The following EYS variants were observed in gnomAD, a reference collection of about 807,000 sequenced individuals.
The protein encoded by EYS is protein eyes shut homolog.
A neutral mutation model predicts 282.1 loss-of-function variants in EYS; 250 were observed. The observed-to-expected ratio is 0.89, with a 90% CI of 0.80 to 0.98. The LOEUF is 0.98. Ranked by LOEUF, EYS falls within the 50% of genes least tolerant of loss-of-function variation. The pLI, the probability that EYS is intolerant of heterozygous loss-of-function variation, is 0.00. For synonymous variants in EYS, 1,355 were observed against 1,282.9 expected (o/e 1.06, Z -1.20); for missense variants, 4,016 against 3,709.0 (o/e 1.08, Z -2.15).
intron 23 of EYS, among the ~76,000 whole-genome samples, chr6:64,622,057 A>AT (rs1767462252): frequency 1.3e-5 from 2 of 152,272 alleles, no homozygotes; most frequent in South Asian, 4.2e-4. Flanking sequence ...TCAAAAACCC[A>AT]TTTAATTCCC....
chr6:65,640,895 T>TA (rs1207020852), intron 1 of EYS, among the ~76,000 whole-genome samples: 1 of 152,170 alleles, frequency 6.6e-6, no homozygotes, highest in Non-Finnish European at 1.5e-5. Context: ...ATTTTTTTTT[T>TA]ACCCTTGGCC....
chr6:64,864,099 G>A (rs1766336235), intron 19 of EYS, among the ~76,000 whole-genome samples: 1 of 151,854 alleles, frequency 6.6e-6, no homozygotes, highest in South Asian at 2.1e-4. Flanking sequence ...TTTTATCCAG[G>A]TTTTATTTGT....
chr6:63,891,420 G>A (rs1773405030), intron 35 of EYS, among the ~76,000 whole-genome samples: 1 of 152,114 alleles, frequency 6.6e-6, no homozygotes, highest in African/African-American at 2.4e-5. Flanking sequence ...TGGGAGGCAA[G>A]GCTGGTTCAA....
At chr6:64,753,670 A>G (rs1369987372) in intron 22 of EYS, among the ~76,000 whole-genome samples, 1 of 151,892 alleles carries the variant, frequency 6.6e-6, no homozygotes, top group Admixed American at 6.6e-5. Context: ...CTACTGAAGT[A>G]CTTCAGCACC....
chr6:65,543,806 C>G (rs1768272726), intron 2 of EYS, among the ~76,000 whole-genome samples: 1 of 152,130 alleles, frequency 6.6e-6, no homozygotes, highest in South Asian at 2.1e-4. Flanking sequence ...TAACAGATGA[C>G]TTTGAGTGGA....
In EYS at chr6:64,238,291, G is replaced by A. The variant is rs7746785; in HGVS notation, c.6192-7467C>T. Among the ~76,000 whole-genome samples, 1,388 of 152,218 alleles carry A rather than the reference G, an allele frequency of 9.1e-3. 18 individuals carry two copies. Among genetic ancestry groups the A allele is most frequent in the African/African-American group, 0.031 (1,298 of 41,536 alleles). On this transcript the variant is annotated intron_variant, in intron 30 of 42. Coordinates refer to ENST00000503581, the MANE Select transcript of EYS (RefSeq NM_001142800.2). The stretch of plus-strand genomic sequence containing the variant: ...CTGGCACCTCAGGGCATTGCAGACC[G>A]CTGTTTCACAGTATGAAGGGTGGAT...
At chr6:63,964,091 T>C (rs1462240100) in intron 35 of EYS, among the ~76,000 whole-genome samples, 2 of 152,238 alleles carry the variant, frequency 1.3e-5, no homozygotes, top group Non-Finnish European at 2.9e-5. Flanking sequence ...AACAGTTTTT[T>C]TTTCCAGTGG....
intron 19 of EYS, among the ~76,000 whole-genome samples, chr6:64,823,613 G>C (rs972294699): frequency 6.6e-6 from 1 of 151,916 alleles, no homozygotes; most frequent in African/African-American, 2.4e-5. Flanking sequence ...AGCACTTATA[G>C]GTGTGCCCTG....
chr6:65,450,261 C>T (rs1197306457), intron 5 of EYS, among the ~76,000 whole-genome samples: 2 of 152,060 alleles, frequency 1.3e-5, no homozygotes, highest in African/African-American at 4.8e-5. Context: ...GATTCTGCCA[C>T]GTCTGTTCCA....
At chr6:64,292,548 T>G (rs1049858525) in intron 30 of EYS, among the ~76,000 whole-genome samples, 1 of 152,108 alleles carries the variant, frequency 6.6e-6, no homozygotes, top group African/African-American at 2.4e-5. Flanking sequence ...AGAGCAGATC[T>G]TTAAGATTTG....
chr6:65,343,363 CA>C (rs1268837643), intron 10 of EYS, among the ~76,000 whole-genome samples: 1 of 151,278 alleles, frequency 6.6e-6, no homozygotes, highest in Non-Finnish European at 1.5e-5. Flanking sequence ...AGATAGGTTA[CA>C]AATACTTTGT....
rs569344414 is a variant in EYS at position 64,394,415 on chromosome 6, C to T, written c.5928-5575G>A. 8.5e-3 allele frequency among the ~76,000 whole-genome samples: 1,290 copies of T among 152,138 alleles called. 17 individuals carry two copies. The highest frequency in any genetic ancestry group is 0.028 in the African/African-American group (1,176 of 41,498). On this transcript the variant is annotated intron_variant, in intron 28 of 42. Coordinates refer to ENST00000503581, the MANE Select transcript of EYS (RefSeq NM_001142800.2). ...GGCTACAGTAACCAAAACAGCATGG[C>T]ACTGGTACCAAACAGAGATATAGAT...
rs1772727751 is a variant in EYS, at chr6:63,868,675, AG to A, written c.7056-4318del. Among the ~76,000 whole-genome samples the A allele has an allele frequency of 2.6e-5, 4 of 152,278 alleles. No homozygotes were observed. In the South Asian group the frequency reaches 8.3e-4, roughly 32 times the overall value. On this transcript the variant is annotated intron_variant, in intron 35 of 42. Coordinates refer to ENST00000503581, the MANE Select transcript of EYS (RefSeq NM_001142800.2). The stretch of plus-strand genomic sequence containing the variant: ...ATAGCACCACAGCCCAGGCTTTAGG[AG>A]GTATGCAAATGAGATCCCAAGTAGC...
intron 12 of EYS, among the ~76,000 whole-genome samples, chr6:65,259,622 C>A (rs1181514751): frequency 3.9e-5 from 6 of 151,972 alleles, no homozygotes; most frequent in Non-Finnish European, 7.4e-5. Flanking sequence ...ATACACAAAG[C>A]CAAGATTATT....
intron 14 of EYS, among the ~76,000 whole-genome samples, chr6:64,968,817 G>A (rs1228459884): frequency 7.4e-6 from 1 of 135,504 alleles, no homozygotes; most frequent in African/African-American, 2.4e-5. Flanking sequence ...TCATAGCTGA[G>A]TCTTTGCCTA....
intron 19 of EYS, among the ~76,000 whole-genome samples, chr6:64,861,355 G>T (rs979521683): frequency 2.0e-5 from 3 of 152,210 alleles, no homozygotes; most frequent in East Asian, 1.9e-4. Context: ...ACTGGAGGGG[G>T]CACAAGGAAC....
intron 22 of EYS, among the ~76,000 whole-genome samples, chr6:64,704,357 T>C (rs1257987878): frequency 6.8e-6 from 1 of 146,082 alleles, no homozygotes; most frequent in Non-Finnish European, 1.5e-5. Context: ...AATTGCTACA[T>C]TTATCTTTCT....
At chr6:65,676,369 T>C (rs1323968889) in intron 1 of EYS, among the ~76,000 whole-genome samples, 1 of 151,812 alleles carries the variant, frequency 6.6e-6, no homozygotes, top group African/African-American at 2.4e-5. Context: ...AATAAAATTA[T>C]AAATTGAGAC....
chr6:65,373,878 C>T (rs1765255127), intron 8 of EYS, among the ~76,000 whole-genome samples: 1 of 152,026 alleles, frequency 6.6e-6, no homozygotes, highest in Non-Finnish European at 1.5e-5. Flanking sequence ...ATTTCAGGCA[C>T]ATACTGCTGA....
Sources: allele counts gnomAD v4.1 joint callset (sites outside exome capture counted in the v4.1 genomes callset), GRCh38; gene constraint gnomAD v4.1.1; transcripts MANE v1.5; gene names NCBI Gene and HGNC (gene_info 2026-07-23, HGNC 2026-07-21).